PLCXD3: variants seen among roughly 807,000 people sequenced by gnomAD.
The protein encoded by PLCXD3 is PI-PLC X domain-containing protein 3.
In PLCXD3, 19 loss-of-function variants were observed where a neutral mutation model predicts 25.5. The ratio of observed to expected loss-of-function variants is 0.75; its 90% CI spans 0.52 to 1.09. The LOEUF (loss-of-function observed/expected upper bound fraction) is 1.09. Ranked by LOEUF, PLCXD3 falls within the 50% of genes least tolerant of loss-of-function variation. PLCXD3 has a pLI of 0.00. For synonymous variants in PLCXD3, 174 were observed against 137.6 expected, an observed-to-expected ratio of 1.26 and a Z score of -1.85; for missense variants, 411 against 388.1, an observed-to-expected ratio of 1.06 and a Z score of -0.50.
chr5:41,461,376 CT>C (rs1383344602), intron 1 of PLCXD3, among the ~76,000 whole-genome samples: 4 of 151,852 alleles, frequency 2.6e-5, no homozygotes, highest in African/African-American at 2.4e-5. Flanking sequence ...CCTTAAAAAC[CT>C]ATAAAAGGGG....
At chr5:41,471,423 A>C (rs976701614) in intron 1 of PLCXD3, among the ~76,000 whole-genome samples, 1 of 152,086 alleles carries the variant, frequency 6.6e-6, no homozygotes, top group African/African-American at 2.4e-5. Flanking sequence ...AGAAAGCAAA[A>C]CTCGGTTTCC....
chr5:41,443,077 A>G (rs951046610), intron 1 of PLCXD3, among the ~76,000 whole-genome samples: 2 of 148,710 alleles, frequency 1.3e-5, no homozygotes, highest in Admixed American at 6.8e-5. Context: ...ATACATATCC[A>G]GAGGCTGTAT....
At chr5:41,500,037 C>A (rs1250147492) in intron 1 of PLCXD3, among the ~76,000 whole-genome samples, 1 of 151,768 alleles carries the variant, frequency 6.6e-6, no homozygotes, top group Non-Finnish European at 1.5e-5. Flanking sequence ...AAAAATAGAA[C>A]TTCCATTTGA....
chr5:41,436,621 T>C (rs2150510382), intron 1 of PLCXD3, among the ~76,000 whole-genome samples: 1 of 152,238 alleles, frequency 6.6e-6, no homozygotes, highest in South Asian at 2.1e-4. Flanking sequence ...CTTCCCACCA[T>C]GGTAAGTGGC....
chr5:41,455,307 G>A (rs185901025), intron 1 of PLCXD3, among the ~76,000 whole-genome samples: 1 of 151,894 alleles, frequency 6.6e-6, no homozygotes, highest in African/African-American at 2.4e-5. Flanking sequence ...TCATAACTGA[G>A]GATAATTGAG....
chr5:41,316,705 C>T (rs976362073), intron 2 of PLCXD3, among the ~76,000 whole-genome samples: 1 of 152,108 alleles, frequency 6.6e-6, no homozygotes. Flanking sequence ...AAGGGAACAT[C>T]AGTGGTAGTC....
chr5:41,349,156 G>C (rs966287954), intron 2 of PLCXD3, among the ~76,000 whole-genome samples: 1 of 152,134 alleles, frequency 6.6e-6, no homozygotes, highest in South Asian at 2.1e-4. Flanking sequence ...AAGACCCCTA[G>C]CTCTATCTAG....
chr5:41,470,903 T>C (rs146876316), intron 1 of PLCXD3, among the ~76,000 whole-genome samples: 7 of 152,270 alleles, frequency 4.6e-5, no homozygotes, highest in Non-Finnish European at 8.8e-5. Flanking sequence ...CATTCCCAAG[T>C]GCACCCTATC....
intron 2 of PLCXD3, among the ~76,000 whole-genome samples, chr5:41,319,497 G>T (rs1323561476): frequency 6.6e-6 from 1 of 152,092 alleles, no homozygotes; most frequent in Admixed American, 6.5e-5. Flanking sequence ...TAAACAGTAC[G>T]CTCCTGAATG....
chr5:41,412,325 C>A (rs953724189), intron 1 of PLCXD3, among the ~76,000 whole-genome samples: 1 of 120,678 alleles, frequency 8.3e-6, no homozygotes, highest in Non-Finnish European at 1.7e-5. Flanking sequence ...AATACTTTAA[C>A]AATTCCTTTA....
chr5:41,461,249 A>G (rs1255565915), intron 1 of PLCXD3, among the ~76,000 whole-genome samples: 1 of 152,004 alleles, frequency 6.6e-6, no homozygotes, highest in Admixed American at 6.6e-5. Context: ...AAATAAAAGG[A>G]AGAGAATCCT....
chr5:41,459,665 C>A (rs1309861493), intron 1 of PLCXD3, among the ~76,000 whole-genome samples: 1 of 151,746 alleles, frequency 6.6e-6, no homozygotes, highest in Admixed American at 6.6e-5. Context: ...TCTCTTACTT[C>A]TTCCTAACAC....
At chr5:41,407,284 A>G (rs1746380677) in intron 1 of PLCXD3, among the ~76,000 whole-genome samples, 1 of 152,206 alleles carries the variant, frequency 6.6e-6, no homozygotes. Flanking sequence ...AACTGAGGAG[A>G]TAAAATACAC....
chr5:41,483,699 A>G (rs1003824068), intron 1 of PLCXD3, among the ~76,000 whole-genome samples: 1 of 152,168 alleles, frequency 6.6e-6, no homozygotes, highest in African/African-American at 2.4e-5. Flanking sequence ...AATGATTAAA[A>G]TGGTAAATTT....
chr5:41,387,993 T>C (rs1229121046), intron 1 of PLCXD3, among the ~76,000 whole-genome samples: 1 of 152,092 alleles, frequency 6.6e-6, no homozygotes, highest in Non-Finnish European at 1.5e-5. Flanking sequence ...CTAGACTAAA[T>C]GCAAAAGTAG....
At chr5:41,492,410 G>A (rs1176440026) in intron 1 of PLCXD3, among the ~76,000 whole-genome samples, 1 of 151,538 alleles carries the variant, frequency 6.6e-6, no homozygotes, top group African/African-American at 2.4e-5. Flanking sequence ...ACAATTATGT[G>A]TCTTGGAGTT....
intron 2 of PLCXD3, among the ~76,000 whole-genome samples, chr5:41,340,480 C>A (rs115443373): frequency 0.023 from 3,559 of 152,252 alleles, 44 homozygotes; most frequent in Non-Finnish European, 0.035. Flanking sequence ...CCACTCCACA[C>A]TGGAAATTTT....
intron 2 of PLCXD3, among the ~76,000 whole-genome samples, chr5:41,316,602 C>T (rs547123544): frequency 7.2e-5 from 11 of 152,210 alleles, no homozygotes; most frequent in Non-Finnish European, 1.2e-4. Context: ...ATTTCTGGAC[C>T]TGCCCAGGGT....
Position 41,313,503 on chromosome 5 carries a change from G to A in PLCXD3, c.*114C>T, listed in dbSNP as rs1743200086. On this transcript the variant is annotated 3_prime_UTR_variant, in exon 3 of 3. Coordinates refer to ENST00000377801, the MANE Select transcript of PLCXD3 (RefSeq NM_001005473.3). ...TTTCCCCTTTTCCCACCCACTACCA[G>A]CCCTATTCCCTTCAGAGACTCAGTG... 2 of 1,268,654 alleles carry A rather than the reference G, an allele frequency of 1.6e-6. No homozygotes were observed. The highest frequency in any genetic ancestry group is 3.6e-5 in the Admixed American group (2 of 54,808). 78.6% of individuals were successfully genotyped at this position (1,268,654 alleles called of 1,614,324 possible).
Sources: allele counts gnomAD v4.1 joint callset (sites outside exome capture counted in the v4.1 genomes callset), GRCh38; gene constraint gnomAD v4.1.1; transcripts MANE v1.5; gene names NCBI Gene and HGNC (gene_info 2026-07-23, HGNC 2026-07-21).